Variants in PDE4D observed in about 807,000 individuals in gnomAD.
The protein encoded by PDE4D is phosphodiesterase 4D, also known as 3',5'-cyclic-AMP phosphodiesterase 4D.
In PDE4D, 24 loss-of-function variants were observed where a neutral mutation model predicts 87.4. The observed-to-expected ratio is 0.27, with a 90% CI of 0.20 to 0.39. PDE4D has a LOEUF of 0.39. Ranked by LOEUF, PDE4D falls within the 10% of genes least tolerant of loss-of-function variation. The probability of loss-of-function intolerance (pLI) is 1.00; values close to 1 mark genes in which losing one functional copy is unlikely to be tolerated. For synonymous variants in PDE4D, 384 were observed against 383.2 expected (o/e 1.00, Z -0.02); for missense variants, 714 against 1,041.0 (o/e 0.69, Z 4.32).
intron 1 of PDE4D, among the ~76,000 whole-genome samples, chr5:59,281,893 G>A (rs1320185112): frequency 7.9e-5 from 12 of 152,126 alleles, no homozygotes; most frequent in Admixed American, 7.2e-4. Context: ...AACAATTATG[G>A]AAGCACAAAG....
At chr5:60,121,696 G>A (rs929674539) in intron 2 of PDE4D, among the ~76,000 whole-genome samples, 1 of 152,022 alleles carries the variant, frequency 6.6e-6, no homozygotes, top group Non-Finnish European at 1.5e-5. Flanking sequence ...GATTTGGGTG[G>A]GGACACGGAG....
At chr5:60,318,789 C>T (rs912891193) in intron 1 of PDE4D, among the ~76,000 whole-genome samples, 1 of 152,042 alleles carries the variant, frequency 6.6e-6, no homozygotes, top group Non-Finnish European at 1.5e-5. Flanking sequence ...AAATTCTTTT[C>T]TTTAAGAATG....
intron 1 of PDE4D, among the ~76,000 whole-genome samples, chr5:59,346,282 G>A (rs1779590142): frequency 6.6e-6 from 1 of 152,046 alleles, no homozygotes; most frequent in Non-Finnish European, 1.5e-5. Flanking sequence ...GAGTAAATAT[G>A]GCTAAGCATT....
chr5:59,670,084 T>C (rs935403704), intron 1 of PDE4D, among the ~76,000 whole-genome samples: 3 of 152,174 alleles, frequency 2.0e-5, no homozygotes, highest in Non-Finnish European at 2.9e-5. Context: ...AGTGGGAGTG[T>C]TGATAGAATG....
At chr5:59,595,996 G>C (rs567097592) in intron 1 of PDE4D, among the ~76,000 whole-genome samples, 1 of 151,196 alleles carries the variant, frequency 6.6e-6, no homozygotes, top group Non-Finnish European at 1.5e-5. Flanking sequence ...CTGGTTTTTA[G>C]TGCTTTTTAA....
chr5:59,304,352 T>C (rs956294684), intron 1 of PDE4D, among the ~76,000 whole-genome samples: 2 of 152,148 alleles, frequency 1.3e-5, no homozygotes, highest in African/African-American at 2.4e-5. Flanking sequence ...CAGTGACAGT[T>C]TGACTTCCTC....
chr5:59,199,912 GTATA>G (rs1746388318), intron 2 of PDE4D, among the ~76,000 whole-genome samples: 1 of 151,142 alleles, frequency 6.6e-6, no homozygotes, highest in Non-Finnish European at 1.5e-5. Flanking sequence ...ATATATGCAT[GTATA>G]TATACACACA....
At chr5:59,069,347 T>A (rs1764391408) in intron 5 of PDE4D, among the ~76,000 whole-genome samples, 1 of 152,118 alleles carries the variant, frequency 6.6e-6, no homozygotes, top group African/African-American at 2.4e-5. Context: ...ACGTTCCATG[T>A]GAAAGCATCT....
At chr5:60,462,508 T>C (rs993196787) in intron 1 of PDE4D, among the ~76,000 whole-genome samples, 3 of 152,146 alleles carry the variant, frequency 2.0e-5, no homozygotes, top group African/African-American at 4.8e-5. Context: ...AATCATATAA[T>C]GAAATGAGTA....
intron 1 of PDE4D, among the ~76,000 whole-genome samples, chr5:59,646,128 A>G (rs1742394283): frequency 6.6e-6 from 1 of 152,194 alleles, no homozygotes; most frequent in African/African-American, 2.4e-5. Context: ...TATTAATTTT[A>G]TAATCTGGTG....
At chr5:60,473,176 G>T (rs1454268660) in intron 1 of PDE4D, among the ~76,000 whole-genome samples, 1 of 117,862 alleles carries the variant, frequency 8.5e-6, no homozygotes, top group African/African-American at 3.3e-5. Flanking sequence ...AGGAAGGAAG[G>T]AAGGAAAAAG....
chr5:59,309,014 C>T (rs953716360), intron 1 of PDE4D, among the ~76,000 whole-genome samples: 3 of 152,040 alleles, frequency 2.0e-5, no homozygotes, highest in African/African-American at 7.2e-5. Flanking sequence ...TGCAGGTTGT[C>T]AGGGAAGTGG....
chr5:60,144,349 A>C (rs914649542), intron 2 of PDE4D, among the ~76,000 whole-genome samples: 3 of 152,212 alleles, frequency 2.0e-5, no homozygotes, highest in Non-Finnish European at 4.4e-5. Context: ...TCCCATATTA[A>C]ATGTGCCTGT....
At chr5:60,075,965 CT>C (rs1773239946) in intron 2 of PDE4D, among the ~76,000 whole-genome samples, 1 of 152,034 alleles carries the variant, frequency 6.6e-6, no homozygotes, top group Non-Finnish European at 1.5e-5. Flanking sequence ...TCTTCTGAAT[CT>C]TGATGATCTT....
chr5:60,102,531 T>G (rs551983133), intron 2 of PDE4D, among the ~76,000 whole-genome samples: 2 of 152,230 alleles, frequency 1.3e-5, no homozygotes, highest in South Asian at 4.1e-4. Flanking sequence ...ATTCAGAGAA[T>G]TTCATTTTAA....
chr5:59,237,444 T>C (rs1463385700), intron 1 of PDE4D, among the ~76,000 whole-genome samples: 2 of 152,212 alleles, frequency 1.3e-5, no homozygotes, highest in Admixed American at 1.3e-4. Context: ...ACCCATTTTA[T>C]TGATAATGAA....
At chr5:59,900,287 C>CACACACATAT (rs142366012) in intron 3 of PDE4D, among the ~76,000 whole-genome samples, 1 of 145,242 alleles carries the variant, frequency 6.9e-6, no homozygotes, top group East Asian at 2.0e-4. Flanking sequence ...CACACACACA[C>CACACACATAT]ATATATATAT....
chr5:59,822,488 T>A (rs1769814756), intron 1 of PDE4D, among the ~76,000 whole-genome samples: 1 of 152,234 alleles, frequency 6.6e-6, no homozygotes. Context: ...TTCCCCTTTT[T>A]TAAACCAATG....
intron 2 of PDE4D, among the ~76,000 whole-genome samples, chr5:59,993,292 A>G (rs1763195292): frequency 6.6e-6 from 1 of 152,192 alleles, no homozygotes. Context: ...GACATTTTAG[A>G]CATAGTTTAA....
Sources: allele counts gnomAD v4.1 joint callset (sites outside exome capture counted in the v4.1 genomes callset), GRCh38; gene constraint gnomAD v4.1.1; transcripts MANE v1.5; gene names NCBI Gene and HGNC (gene_info 2026-07-23, HGNC 2026-07-21).